The following EIF4G3 variants were observed in gnomAD, a reference collection of about 807,000 sequenced individuals.
The protein encoded by EIF4G3 is eIF-4-gamma 3.
EIF4G3 carries 34 observed loss-of-function variants against 186.4 expected under a neutral mutation model. That is an observed-to-expected ratio of 0.18 (90% CI 0.14 to 0.24). EIF4G3 has a LOEUF of 0.24. EIF4G3 is among the 10% of genes least tolerant of loss of function. The probability of loss-of-function intolerance (pLI) is 1.00; values close to 1 mark genes in which losing one functional copy is unlikely to be tolerated. For missense variants in EIF4G3, 1,536 were observed against 1,948.5 expected (o/e 0.79, Z 3.99); for synonymous variants, 673 against 679.5 (o/e 0.99, Z 0.15).
intron 2 of EIF4G3, among the ~76,000 whole-genome samples, chr1:21,138,161 C>T (rs2097279064): frequency 6.6e-6 from 1 of 152,122 alleles, no homozygotes; most frequent in African/African-American, 2.4e-5. Context: ...GCATAAGAAA[C>T]ACAGAGGGGA....
At chr1:21,154,519 T>C (rs1034636380) in intron 2 of EIF4G3, among the ~76,000 whole-genome samples, 4 of 152,244 alleles carry the variant, frequency 2.6e-5, no homozygotes, top group African/African-American at 9.6e-5. Context: ...TTAAGAATCC[T>C]TCTGTCATAA....
intron 33 of EIF4G3, 77 bp downstream of exon 33, chr1:20,825,023 C>A: frequency 6.6e-6 from 6 of 904,058 alleles, no homozygotes; most frequent in Non-Finnish European, 8.3e-6. Flanking sequence ...GACTGGAATA[C>A]GAAGGAAATT....
At chr1:21,058,719 CTTTTTTTTTTTTTTTT>C (rs66576703) in intron 3 of EIF4G3, among the ~76,000 whole-genome samples, 2 of 82,014 alleles carry the variant, frequency 2.4e-5, no homozygotes, top group African/African-American at 1.1e-4. Context: ...CTCTCTCTCT[CTTTTTTTTTTTTTTTT>C]TTTTTTTTTT....
chr1:21,034,120 G>T (rs1407112489), intron 4 of EIF4G3, among the ~76,000 whole-genome samples: 2 of 152,120 alleles, frequency 1.3e-5, no homozygotes, highest in Admixed American at 1.3e-4. Flanking sequence ...TTTTTTCTGG[G>T]AATTTATCAC....
At chr1:21,003,018 TG>T (rs1459621577) in intron 4 of EIF4G3, among the ~76,000 whole-genome samples, 1 of 150,310 alleles carries the variant, frequency 6.7e-6, no homozygotes, top group Non-Finnish European at 1.5e-5. Flanking sequence ...ATTAATGAAC[TG>T]GGGTCTTGCT....
At chr1:21,066,938 C>A (rs1284300766) in intron 3 of EIF4G3, among the ~76,000 whole-genome samples, 1 of 152,076 alleles carries the variant, frequency 6.6e-6, no homozygotes, top group Non-Finnish European at 1.5e-5. Context: ...TCCCACAGTT[C>A]AAAGAAACAC....
At chr1:20,973,893 T>C (rs768696656) in intron 10 of EIF4G3, among the ~76,000 whole-genome samples, 5 of 152,264 alleles carry the variant, frequency 3.3e-5, no homozygotes, top group African/African-American at 7.2e-5. Flanking sequence ...TCAAGCCAAA[T>C]TGTTTGGAGT....
chr1:20,947,061 A>C (rs1037256664), intron 13 of EIF4G3, among the ~76,000 whole-genome samples: 13 of 152,170 alleles, frequency 8.5e-5, no homozygotes, highest in Admixed American at 5.2e-4. Context: ...AATTTTTAAA[A>C]ACTCCTTGGC....
rs2096130726 is a variant in EIF4G3, at chr1:20,949,924, T to TA, written c.823+78dup. On this transcript the variant is annotated intron_variant, in intron 13 of 36. Transcript: ENST00000602326. ...AAATAATCCTTGGATGCTGTACTCT[T>TA]ACTCTTGAATGCTGACGGCAATGTA... The TA allele has an allele frequency of 3.3e-6, 4 of 1,201,144 alleles. No individual in the cohort carries two copies. The South Asian group carries it at 3.8e-5, about 12-fold the overall frequency. 74.4% of individuals were successfully genotyped at this position (1,201,144 alleles called of 1,614,324 possible). A position where few individuals can be genotyped will look rare whatever the true frequency, so the allele number is the denominator to read the frequency against.
At chr1:21,110,213 T>A (rs1216231079) in intron 2 of EIF4G3, among the ~76,000 whole-genome samples, 1 of 152,248 alleles carries the variant, frequency 6.6e-6, no homozygotes, top group Non-Finnish European at 1.5e-5. Flanking sequence ...TAAATTCATA[T>A]TCAAATCTAA....
At chr1:20,916,764 C>T (rs973138032) in intron 14 of EIF4G3, among the ~76,000 whole-genome samples, 2 of 151,942 alleles carry the variant, frequency 1.3e-5, no homozygotes, top group Admixed American at 6.6e-5. Flanking sequence ...AAAAGACAAC[C>T]GGATCAATTG....
At chr1:20,822,085 C>T (rs745470674) in intron 33 of EIF4G3, among the ~76,000 whole-genome samples, 122 of 152,198 alleles carry the variant, frequency 8.0e-4, no homozygotes, top group Middle Eastern at 3.4e-3. Context: ...ACCATGTTGG[C>T]CAGGCTGGTC....
At position 20,893,632 on chromosome 1, in the gene EIF4G3, T is replaced by C; in HGVS notation, c.2138A>G (p.Asn713Ser). Residue 713 changes from asparagine to serine, a missense_variant, in exon 18 of 37, where the codon AAC becomes AGC. This residue lies in a region of EIF4G3 where 139 missense variants were observed against 192.8 expected (regional missense o/e 0.72). Transcript: ENST00000602326. ...AGTTCGCATTGGCAATTTGGGTTGG[T>C]TGATCTGCATGAAAAAGCAAAAGAA... ...PISDVVLDKI[N>S]QPKLPMRTLD... The C allele has an allele frequency of 2.6e-6, 4 of 1,557,956 alleles. No homozygotes were observed. The highest frequency in any genetic ancestry group is 3.4e-4 in the Middle Eastern group (2 of 5,824).
At chr1:21,126,846 T>C (rs1222787818) in intron 2 of EIF4G3, among the ~76,000 whole-genome samples, 2 of 152,138 alleles carry the variant, frequency 1.3e-5, no homozygotes, top group Non-Finnish European at 2.9e-5. Context: ...CTGATATAAA[T>C]GATCTAGTAT....
chr1:21,092,964 GA>G (rs2096251508), intron 2 of EIF4G3, among the ~76,000 whole-genome samples: 2 of 152,152 alleles, frequency 1.3e-5, no homozygotes, highest in African/African-American at 4.8e-5. Flanking sequence ...ATGGATTAAA[GA>G]CTTAAATGTT....
chr1:20,990,315 T>G (rs1028321580), intron 7 of EIF4G3, among the ~76,000 whole-genome samples: 1 of 152,158 alleles, frequency 6.6e-6, no homozygotes, highest in African/African-American at 2.4e-5. Context: ...TGAAGACACT[T>G]CACCAGCAAA....
At chr1:20,867,482 C>T (rs1413752684) in intron 20 of EIF4G3, among the ~76,000 whole-genome samples, 1 of 152,080 alleles carries the variant, frequency 6.6e-6, no homozygotes, top group Non-Finnish European at 1.5e-5. Context: ...TGACTTTGGC[C>T]AAGTCACTCA....
At chr1:20,913,774 G>A (rs2093535724) in intron 14 of EIF4G3, among the ~76,000 whole-genome samples, 1 of 148,472 alleles carries the variant, frequency 6.7e-6, no homozygotes, top group African/African-American at 2.5e-5. Flanking sequence ...AATTTCTTAA[G>A]ATGAAAGTTG....
At chr1:21,159,401 C>T (rs1042388213) in intron 2 of EIF4G3, among the ~76,000 whole-genome samples, 1 of 148,368 alleles carries the variant, frequency 6.7e-6, no homozygotes, top group African/African-American at 2.5e-5. Context: ...GATCAAACTT[C>T]ACTTCAGCCT....
Sources: gnomAD v4.1 joint callset for allele counts (sites outside exome capture counted in the v4.1 genomes callset) on GRCh38, gnomAD v4.1.1 for gene constraint, gnomAD v4.1.1 regional missense constraint, MANE v1.5 for transcripts, NCBI Gene and HGNC (gene_info 2026-07-23, HGNC 2026-07-21) for gene names.